Variants in SEMA3C observed in about 807,000 individuals in gnomAD.
SEMA3C encodes the protein semaphorin-3C.
A neutral mutation model predicts 89.4 loss-of-function variants in SEMA3C; 47 were observed. The ratio of observed to expected loss-of-function variants is 0.53; its 90% CI spans 0.42 to 0.67. The LOEUF is 0.67. Among genes scored for constraint, SEMA3C ranks in the 30% least tolerant of loss-of-function variants. SEMA3C has a pLI of 0.00. For synonymous variants in SEMA3C, 310 were observed against 320.2 expected (o/e 0.97, Z 0.34); for missense variants, 839 against 929.1 (o/e 0.90, Z 1.26).
intron 2 of SEMA3C, among the ~76,000 whole-genome samples, chr7:80,864,253 G>C (rs1169890854): frequency 6.6e-6 from 1 of 151,434 alleles, no homozygotes; most frequent in Non-Finnish European, 1.5e-5. Context: ...GGAAGAGTGA[G>C]AGCGGGTGAG....
intron 2 of SEMA3C, 151 bp downstream of exon 2, chr7:80,916,528 A>T (rs752991402): frequency 4.2e-5 from 25 of 590,246 alleles, no homozygotes; most frequent in Non-Finnish European, 5.5e-5. Context: ...CCAATCATTT[A>T]AAATAGCTAT....
At chr7:80,894,180 T>C (rs946509709) in intron 2 of SEMA3C, among the ~76,000 whole-genome samples, 12 of 152,196 alleles carry the variant, frequency 7.9e-5, no homozygotes, top group African/African-American at 2.9e-4. Flanking sequence ...GTAATTACAA[T>C]TTTAATTATA....
upstream of SEMA3C, chr7:80,922,302 C>T (rs1028640652): frequency 7.8e-7 from 1 of 1,288,080 alleles, no homozygotes; most frequent in South Asian, 1.2e-5. Context: ...TTTCTACTTC[C>T]CTCTCTTTCT....
At chr7:80,802,867 G>T in intron 8 of SEMA3C, 88 bp from the exon 9 acceptor site, 1 of 855,174 alleles carries the variant, frequency 1.2e-6, no homozygotes, top group Non-Finnish European at 1.9e-6. Context: ...GTTGCTTGGA[G>T]GATGAAAATC....
chr7:80,770,037 A>T (rs997201310), intron 12 of SEMA3C, among the ~76,000 whole-genome samples: 1 of 152,108 alleles, frequency 6.6e-6, no homozygotes, highest in Admixed American at 6.5e-5. Flanking sequence ...GCGCTGTATC[A>T]TTTACTAATA....
intron 12 of SEMA3C, among the ~76,000 whole-genome samples, chr7:80,778,040 T>C (rs1247101475): frequency 6.6e-6 from 1 of 152,180 alleles, no homozygotes; most frequent in Non-Finnish European, 1.5e-5. Context: ...ATTCTGGTTC[T>C]AGAAGCAAAT....
rs1305819236 is a variant in SEMA3C, at chr7:80,748,857, T to C, written c.1842+41A>G. 3 of 1,567,008 alleles carry C rather than the reference T, an allele frequency of 1.9e-6. No individual in the cohort carries two copies. The East Asian group carries it at 6.8e-5, about 36-fold the overall frequency. On this transcript the variant is annotated intron_variant, in intron 17 of 17. Transcript: ENST00000265361. ...TGAGGGACAGTGATTTAATGTTCTC[T>C]CTGAAGCCCTGATGGATTGCTGCTG...
chr7:80,803,223 C>A lies in SEMA3C; in HGVS notation c.802-444G>T, dbSNP rs1226804707. On this transcript the variant is annotated intron_variant, in intron 8 of 17. Coordinates refer to ENST00000265361, the MANE Select transcript of SEMA3C (RefSeq NM_006379.5). The stretch of plus-strand genomic sequence containing the variant: ...AAATGGTCCCCAACAGTTTTACATT[C>A]ACTCCTTCATTTATCCAAATTATCA... 2.0e-5 allele frequency among the ~76,000 whole-genome samples: 3 copies of A among 152,176 alleles called. No individual in the cohort carries two copies. In the East Asian group the frequency reaches 5.8e-4, roughly 29 times the overall value.
chr7:80,750,324 C>T (rs1787895178), intron 16 of SEMA3C, among the ~76,000 whole-genome samples: 1 of 151,022 alleles, frequency 6.6e-6, no homozygotes, highest in South Asian at 2.1e-4. Flanking sequence ...CACTATAGTA[C>T]ACCCATGTTC....
chr7:80,834,583 A>T (rs1790083198), intron 2 of SEMA3C, among the ~76,000 whole-genome samples: 1 of 152,228 alleles, frequency 6.6e-6, no homozygotes, highest in Non-Finnish European at 1.5e-5. Flanking sequence ...TTCTCTGTTA[A>T]GCCAGTCAGT....
chr7:80,747,670 A>G (rs1787832139), intron 17 of SEMA3C, among the ~76,000 whole-genome samples: 1 of 152,226 alleles, frequency 6.6e-6, no homozygotes, highest in Non-Finnish European at 1.5e-5. Flanking sequence ...TTCTTTGATA[A>G]CAGATTTTAC....
intron 2 of SEMA3C, among the ~76,000 whole-genome samples, chr7:80,901,622 G>A (rs1361713266): frequency 6.6e-6 from 1 of 152,154 alleles, no homozygotes; most frequent in Non-Finnish European, 1.5e-5. Context: ...TAAAGTTGTA[G>A]GTAGAAGCTT....
chr7:80,766,816 G>T (rs1034944457), intron 12 of SEMA3C, among the ~76,000 whole-genome samples: 2 of 152,168 alleles, frequency 1.3e-5, no homozygotes, highest in Non-Finnish European at 2.9e-5. Flanking sequence ...GGCAAAATGG[G>T]AGAGTTTTAC....
At chr7:80,897,151 A>C (rs566758659) in intron 2 of SEMA3C, among the ~76,000 whole-genome samples, 1 of 152,334 alleles carries the variant, frequency 6.6e-6, no homozygotes, top group East Asian at 1.9e-4. Context: ...TTTAGTAATT[A>C]TTAGAAAAAT....
upstream of SEMA3C, chr7:80,922,193 T>C (rs1792421114): frequency 2.5e-6 from 3 of 1,205,324 alleles, no homozygotes; most frequent in Non-Finnish European, 3.3e-6. Flanking sequence ...AATATCAGAA[T>C]AGGAAGAGAA....
intron 12 of SEMA3C, among the ~76,000 whole-genome samples, chr7:80,785,447 T>A (rs1023416145): frequency 7.2e-5 from 11 of 152,160 alleles, no homozygotes; most frequent in African/African-American, 2.7e-4. Flanking sequence ...ATCATTCATT[T>A]ATAACAGCTG....
chr7:80,792,178 A>T (rs2115602435), intron 11 of SEMA3C, among the ~76,000 whole-genome samples: 1 of 152,312 alleles, frequency 6.6e-6, no homozygotes, highest in East Asian at 1.9e-4. Context: ...CACAACAAAG[A>T]CCAAAATGAG....
At chr7:80,814,315 C>T (rs1279150546) in intron 5 of SEMA3C, among the ~76,000 whole-genome samples, 2 of 152,006 alleles carry the variant, frequency 1.3e-5, no homozygotes, top group Non-Finnish European at 2.9e-5. Flanking sequence ...GTCTTGATCT[C>T]CTGACGTCAT....
chr7:80,889,862 T>C (rs922968980), intron 2 of SEMA3C, among the ~76,000 whole-genome samples: 5 of 152,202 alleles, frequency 3.3e-5, no homozygotes, highest in African/African-American at 1.2e-4. Context: ...GTCAGGCAGA[T>C]GGAGTCAGAT....
Sources: gnomAD v4.1 joint callset for allele counts (sites outside exome capture counted in the v4.1 genomes callset) on GRCh38, gnomAD v4.1.1 for gene constraint, MANE v1.5 for transcripts, NCBI Gene and HGNC (gene_info 2026-07-23, HGNC 2026-07-21) for gene names.